The following MBNL1 variants were observed in gnomAD, a reference collection of about 807,000 sequenced individuals.
MBNL1 encodes the protein muscleblind-like protein 1.
In MBNL1, 8 loss-of-function variants were observed where a neutral mutation model predicts 42.2. The observed-to-expected ratio is 0.19, with a 90% CI of 0.11 to 0.34. The LOEUF (loss-of-function observed/expected upper bound fraction) is 0.34, where lower values mean the gene tolerates loss of function less well. Among genes scored for constraint, MBNL1 ranks in the 10% least tolerant of loss-of-function variants. MBNL1 has a pLI of 1.00. For missense variants in MBNL1, 309 were observed against 495.3 expected, an observed-to-expected ratio of 0.62 and a Z score of 3.57; for synonymous variants, 169 against 173.9, an observed-to-expected ratio of 0.97 and a Z score of 0.22.
chr3:152,268,858 C>A (rs1449649158), upstream of MBNL1: 1 of 423,716 alleles, frequency 2.4e-6, no homozygotes, highest in Non-Finnish European at 4.7e-6. Flanking sequence ...GCTGGGCGGG[C>A]GGGGGAGGGG....
At chr3:152,338,493 T>C (rs2091985342) in intron 2 of MBNL1, 1 of 985,314 alleles carries the variant, frequency 1.0e-6, no homozygotes, top group African/African-American at 1.7e-5. Flanking sequence ...AAGCTTTGGC[T>C]GTGGCTCAGT....
intron 2 of MBNL1, among the ~76,000 whole-genome samples, chr3:152,387,917 GA>G (rs1307100018): frequency 6.6e-6 from 1 of 152,136 alleles, no homozygotes; most frequent in African/African-American, 2.4e-5. Flanking sequence ...TAACTTAGAT[GA>G]AGAGTGGTAA....
At chr3:152,345,824 C>T (rs1362196238) in intron 2 of MBNL1, among the ~76,000 whole-genome samples, 1 of 152,146 alleles carries the variant, frequency 6.6e-6, no homozygotes, top group East Asian at 1.9e-4. Context: ...GTTACTTGAC[C>T]TTTTTGAGCT....
chr3:152,260,563 T>C (rs931839809), intron 2 of MBNL1, among the ~76,000 whole-genome samples: 1 of 152,196 alleles, frequency 6.6e-6, no homozygotes, highest in Non-Finnish European at 1.5e-5. Context: ...CTGGTGAAGA[T>C]ATGTATATCT....
chr3:152,411,950 T>A (rs1478585891), intron 2 of MBNL1, among the ~76,000 whole-genome samples: 1 of 152,092 alleles, frequency 6.6e-6, no homozygotes, highest in East Asian at 1.9e-4. Context: ...TAGAATAGAG[T>A]TAGAGTAGAA....
chr3:152,363,568 A>G (rs1405315267), intron 2 of MBNL1, among the ~76,000 whole-genome samples: 2 of 152,142 alleles, frequency 1.3e-5, no homozygotes, highest in Non-Finnish European at 2.9e-5. Flanking sequence ...TTAAACTATT[A>G]CTATCCATCA....
At chr3:152,314,697 A>T (rs2069497694) in intron 2 of MBNL1, among the ~76,000 whole-genome samples, 1 of 152,182 alleles carries the variant, frequency 6.6e-6, no homozygotes, top group African/African-American at 2.4e-5. Flanking sequence ...TTTAAAAAGC[A>T]TTTGCCTCAT....
chr3:152,303,861 A>G (rs868409045), intron 2 of MBNL1, among the ~76,000 whole-genome samples: 4 of 152,156 alleles, frequency 2.6e-5, no homozygotes, highest in Non-Finnish European at 4.4e-5. Context: ...TTTACTATCT[A>G]TTTTCCAAAA....
intron 2 of MBNL1, among the ~76,000 whole-genome samples, chr3:152,389,940 A>G (rs1185742215): frequency 6.6e-6 from 1 of 152,010 alleles, no homozygotes; most frequent in African/African-American, 2.4e-5. Flanking sequence ...CAGTAGCACG[A>G]TCTCAGCTCA....
intron 6 of MBNL1, among the ~76,000 whole-genome samples, chr3:152,450,811 T>C (rs981837581): frequency 2.0e-5 from 3 of 152,224 alleles, no homozygotes; most frequent in African/African-American, 7.2e-5. Context: ...CCAGATACTC[T>C]AGACATTTGT....
intron 1 of MBNL1, among the ~76,000 whole-genome samples, chr3:152,286,241 G>T (rs1352636661): frequency 1.4e-5 from 2 of 147,316 alleles, no homozygotes; most frequent in Admixed American, 1.4e-4. Context: ...TTCTTTGGGG[G>T]CACACACATA....
intron 2 of MBNL1, among the ~76,000 whole-genome samples, chr3:152,373,353 A>T (rs1355779823): frequency 1.3e-5 from 2 of 148,582 alleles, no homozygotes; most frequent in Non-Finnish European, 2.9e-5. Flanking sequence ...AAAAAAAAAA[A>T]AAAAAAAAAA....
intron 1 of MBNL1, among the ~76,000 whole-genome samples, chr3:152,274,817 T>C (rs1479534960): frequency 6.6e-6 from 1 of 152,168 alleles, no homozygotes; most frequent in African/African-American, 2.4e-5. Context: ...TACCATGAAA[T>C]ATCAGCTGTT....
chr3:152,347,915 A>C (rs1054699543), intron 2 of MBNL1, among the ~76,000 whole-genome samples: 1 of 152,070 alleles, frequency 6.6e-6, no homozygotes, highest in Non-Finnish European at 1.5e-5. Context: ...GAATCCCACA[A>C]CTGTATGTTG....
intron 1 of MBNL1, among the ~76,000 whole-genome samples, chr3:152,293,795 T>C (rs942913819): frequency 6.6e-6 from 1 of 152,172 alleles, no homozygotes; most frequent in Non-Finnish European, 1.5e-5. Flanking sequence ...TTAGAAGAAC[T>C]TTTGCAATGA....
At chr3:152,280,342 T>C (rs565385013) in intron 1 of MBNL1, among the ~76,000 whole-genome samples, 1 of 152,294 alleles carries the variant, frequency 6.6e-6, no homozygotes, top group East Asian at 1.9e-4. Context: ...TTTGTATATA[T>C]TGGAGAAGAG....
At chr3:152,246,594 T>C (rs1443475416) in intron 2 of MBNL1, among the ~76,000 whole-genome samples, 2 of 151,900 alleles carry the variant, frequency 1.3e-5, no homozygotes, top group Non-Finnish European at 2.9e-5. Context: ...AATAATTTAT[T>C]ACTGGAAAAT....
At chr3:152,441,479 C>G (rs895806291) in intron 4 of MBNL1, among the ~76,000 whole-genome samples, 1 of 152,030 alleles carries the variant, frequency 6.6e-6, no homozygotes, top group African/African-American at 2.4e-5. Flanking sequence ...CTGGAACTCA[C>G]AATTTTTGAC....
chr3:152,408,940 A>C lies in MBNL1; in HGVS notation c.175-6001A>C. Among the ~76,000 whole-genome samples the C allele has an allele frequency of 1.3e-5, 2 of 152,212 alleles. 1 individual carries two copies. The highest frequency in any genetic ancestry group is 4.1e-4 in the South Asian group (2 of 4,834). On this transcript the variant is annotated intron_variant, in intron 2 of 9. Transcript: ENST00000324210. ...CTAGCCCAAAATGTCAGTAGTGCTG[A>C]GGTTGAGAAATTGTGAACATCTTTT... is the stretch of plus-strand genomic sequence containing the variant.
Sources: gnomAD v4.1 joint callset for allele counts (sites outside exome capture counted in the v4.1 genomes callset) on GRCh38, gnomAD v4.1.1 for gene constraint, MANE v1.5 for transcripts, NCBI Gene and HGNC (gene_info 2026-07-23, HGNC 2026-07-21) for gene names.